NRXN3: variants seen among roughly 807,000 people sequenced by gnomAD.
The protein encoded by NRXN3 is neurexin 3.
Under a neutral mutation model 137.6 loss-of-function variants are expected in NRXN3, and 32 were observed. The ratio of observed to expected loss-of-function variants is 0.23; its 90% confidence interval spans 0.18 to 0.31. NRXN3 has a LOEUF of 0.31. Among genes scored for constraint, NRXN3 ranks in the 10% least tolerant of loss-of-function variants. The pLI is 1.00. For synonymous variants in NRXN3, 798 were observed against 784.5 expected (o/e 1.02, Z -0.29); for missense variants, 1,574 against 2,062.5 (o/e 0.76, Z 4.59).
At chr14:79,410,286 C>A (rs1489643302) in intron 15 of NRXN3, among the ~76,000 whole-genome samples, 1 of 152,026 alleles carries the variant, frequency 6.6e-6, no homozygotes, top group Admixed American at 6.6e-5. Flanking sequence ...GACCCTCAAG[C>A]CTCTTAATGT....
chr14:78,987,280 G>A (rs1311381098), intron 14 of NRXN3, among the ~76,000 whole-genome samples: 2 of 152,094 alleles, frequency 1.3e-5, no homozygotes, highest in Non-Finnish European at 1.5e-5. Context: ...CACAGCATGC[G>A]TTTTAGAGTT....
At chr14:79,684,894 AG>A (rs1481141074) in intron 17 of NRXN3, among the ~76,000 whole-genome samples, 5 of 152,096 alleles carry the variant, frequency 3.3e-5, no homozygotes, top group African/African-American at 1.2e-4. Flanking sequence ...GATGACACAG[AG>A]GGTGGACACG....
chr14:78,815,475 C>CTTTGTTTTTTT (rs1555508793), intron 10 of NRXN3, among the ~76,000 whole-genome samples: 1 of 43,364 alleles, frequency 2.3e-5, no homozygotes, highest in Non-Finnish European at 5.0e-5. Flanking sequence ...TAATTTGTTT[C>CTTTGTTTTTTT]TTTCTTTTTT....
In NRXN3 at chr14:79,484,134, G is replaced by A. The variant is rs75416183; in HGVS notation, c.3444+16732G>A. ...GATTCCTGAGCATATGCAGGGCAGC[G>A]GCATGAGAGCATCTAAAATAGAGTC... On this transcript the variant is annotated intron_variant, in intron 16 of 20. Coordinates refer to ENST00000335750, the MANE Select transcript of NRXN3 (RefSeq NM_001330195.2). Among the ~76,000 whole-genome samples the A allele has an allele frequency of 4.6e-4, 70 of 152,248 alleles. 1 individual carries two copies. The East Asian group carries it at 0.012, about 27-fold the overall frequency.
chr14:78,393,527 T>G (rs1022760159), intron 4 of NRXN3, among the ~76,000 whole-genome samples: 11 of 152,082 alleles, frequency 7.2e-5, no homozygotes, highest in African/African-American at 2.7e-4. Flanking sequence ...GTACAGTAAG[T>G]TTTGAAATCA....
intron 4 of NRXN3, among the ~76,000 whole-genome samples, chr14:78,624,493 G>A (rs907275373): frequency 5.9e-5 from 9 of 152,310 alleles, no homozygotes; most frequent in Non-Finnish European, 7.4e-5. Flanking sequence ...AGAGGGGGGC[G>A]GTATGCCCAC....
intron 15 of NRXN3, among the ~76,000 whole-genome samples, chr14:79,043,722 T>G (rs1026049182): frequency 7.2e-5 from 11 of 152,156 alleles, no homozygotes; most frequent in Non-Finnish European, 1.5e-4. Flanking sequence ...GTACACTGGC[T>G]GCCTTACTTG....
At chr14:79,834,905 G>A (rs140841309) in intron 20 of NRXN3, among the ~76,000 whole-genome samples, 3 of 151,972 alleles carry the variant, frequency 2.0e-5, no homozygotes, top group Non-Finnish European at 4.4e-5. Flanking sequence ...GTGACAATAC[G>A]AAACCAGATC....
At chr14:78,447,117 G>A (rs935774970) in intron 4 of NRXN3, among the ~76,000 whole-genome samples, 2 of 152,198 alleles carry the variant, frequency 1.3e-5, no homozygotes, top group African/African-American at 4.8e-5. Context: ...GGAGTTAGGA[G>A]GTCTAGTACA....
chr14:79,205,291 G>A lies in NRXN3; in HGVS notation c.3262+217150G>A, dbSNP rs577381900. 8.8e-4 allele frequency among the ~76,000 whole-genome samples: 134 copies of A among 152,216 alleles called. 2 individuals are homozygous for A. Among genetic ancestry groups the A allele is most frequent in the African/African-American group, 3.2e-3 (132 of 41,546 alleles). On this transcript the variant is annotated intron_variant, in intron 15 of 20. Coordinates refer to ENST00000335750, the MANE Select transcript of NRXN3 (RefSeq NM_001330195.2). ...CATTCAATCCATTTAACAGTTAGTT[G>A]TATTTTTCAATTCTAATTAACATTG...
chr14:79,205,660 T>A (rs550385205), intron 15 of NRXN3, among the ~76,000 whole-genome samples: 1 of 152,346 alleles, frequency 6.6e-6, no homozygotes, highest in East Asian at 1.9e-4. Flanking sequence ...ATGGAAATTA[T>A]TTAATTACAT....
At chr14:79,193,142 A>C (rs80263499) in intron 15 of NRXN3, among the ~76,000 whole-genome samples, 1 of 48 alleles carries the variant, frequency 0.021, no homozygotes. Flanking sequence ...TTTAAAGACA[A>C]AAAAAAAAAT....
intron 4 of NRXN3, among the ~76,000 whole-genome samples, chr14:78,456,671 T>C (rs1189063982): frequency 6.6e-6 from 1 of 152,124 alleles, no homozygotes; most frequent in African/African-American, 2.4e-5. Flanking sequence ...CACCTTCTTA[T>C]TCTGTTCCTT....
At chr14:79,732,011 C>G (rs1013632726) in intron 19 of NRXN3, among the ~76,000 whole-genome samples, 3 of 152,052 alleles carry the variant, frequency 2.0e-5, no homozygotes, top group Admixed American at 6.6e-5. Flanking sequence ...CCCTCCCAAT[C>G]AGCTCCACCT....
At position 79,380,401 on chromosome 14, in the gene NRXN3, T is replaced by C. The variant is rs2094438141; in HGVS notation, c.3263-86820T>C. ...TGTGATGTTCCCCTTCCTGTGTCCATGTGTTCTCATTGTTCAGTTCCCACC... is the reference window on the plus strand; with the variant it reads ...TGTGATGTTCCCCTTCCTGTGTCCACGTGTTCTCATTGTTCAGTTCCCACC... On this transcript the variant is annotated intron_variant, in intron 15 of 20. Coordinates refer to ENST00000335750, the MANE Select transcript of NRXN3 (RefSeq NM_001330195.2). Among the ~76,000 whole-genome samples the C allele has an allele frequency of 3.4e-5, 5 of 145,642 alleles. No individual in the cohort carries two copies. The South Asian group carries it at 9.1e-4, about 27-fold the overall frequency.
At chr14:79,526,096 G>A (rs958184084) in intron 16 of NRXN3, among the ~76,000 whole-genome samples, 1 of 152,124 alleles carries the variant, frequency 6.6e-6, no homozygotes, top group Non-Finnish European at 1.5e-5. Flanking sequence ...TGCCCAGGCT[G>A]GAGTGCAATG....
chr14:79,825,161 G>A (rs902826092), intron 20 of NRXN3, among the ~76,000 whole-genome samples: 3 of 147,370 alleles, frequency 2.0e-5, no homozygotes, highest in African/African-American at 7.5e-5. Context: ...ATGCCATTAC[G>A]TAACTTCCTT....
At position 79,862,501 on chromosome 14, in the gene NRXN3, C is replaced by T. The variant is rs2099415238; in HGVS notation, c.*537C>T. On this transcript the variant is annotated 3_prime_UTR_variant, in exon 21 of 21. Coordinates refer to ENST00000335750, the MANE Select transcript of NRXN3 (RefSeq NM_001330195.2). ...AACAAAAACAAACAAAAAAAAAAACCCACAACCCTTATCTGGTTCTGACCA... is the reference window on the plus strand; with the variant it reads ...AACAAAAACAAACAAAAAAAAAAACTCACAACCCTTATCTGGTTCTGACCA... 6.6e-6 allele frequency: 1 copy of T among 150,878 alleles called. No individual in the cohort carries two copies. The allele number at this position is 150,878 out of a possible 1,614,324, so 9.3% of individuals were successfully genotyped here.
chr14:78,445,823 A>G (rs974541634), intron 4 of NRXN3, among the ~76,000 whole-genome samples: 2 of 152,190 alleles, frequency 1.3e-5, no homozygotes, highest in Admixed American at 1.3e-4. Context: ...GATACTAAAT[A>G]TCATATTAGG....
Sources: allele counts gnomAD v4.1 joint callset (sites outside exome capture counted in the v4.1 genomes callset), GRCh38; gene constraint gnomAD v4.1.1; transcripts MANE v1.5; gene names NCBI Gene and HGNC (gene_info 2026-07-23, HGNC 2026-07-21).